The following ZNF717 variants were observed in gnomAD, a reference collection of about 807,000 sequenced individuals.
ZNF717 encodes krueppel-like factor X17.
ZNF717 carries 9 observed loss-of-function variants against 13.8 expected under a neutral mutation model. That is an observed-to-expected ratio of 0.65 (90% CI 0.39 to 1.14). ZNF717 has a LOEUF of 1.14. ZNF717 is among the 50% of genes most tolerant of loss of function. ZNF717 has a pLI of 0.01. For missense variants in ZNF717, 1,040 were observed against 1,080.7 expected, an observed-to-expected ratio of 0.96 and a Z score of 0.53; for synonymous variants, 327 against 364.1, an observed-to-expected ratio of 0.90 and a Z score of 1.16.
intron 2 of ZNF717, among the ~76,000 whole-genome samples, chr3:75,761,454 CT>C (rs201055245): frequency 0.015 from 2,322 of 151,590 alleles, no homozygotes; most frequent in African/African-American, 0.053. Context: ...AACTTTTCCT[CT>C]AGGATCAGGA....
At chr3:75,783,187 A>G (rs964621946) in intron 2 of ZNF717, 119 bp downstream of exon 2, 176 of 773,176 alleles carry the variant, frequency 2.3e-4, no homozygotes, top group Non-Finnish European at 3.5e-4. Flanking sequence ...TATCTTATTT[A>G]TGTATATTTC....
chr3:75,743,506 T>G (rs79918902), intron 2 of ZNF717, among the ~76,000 whole-genome samples: 1 of 137,568 alleles, frequency 7.3e-6, no homozygotes, highest in Non-Finnish European at 1.6e-5. Context: ...CCACTTCACA[T>G]ACAGGTGTAA....
intron 2 of ZNF717, among the ~76,000 whole-genome samples, chr3:75,745,154 TTG>T (rs200606439): frequency 0.088 from 5,245 of 59,928 alleles, 127 homozygotes; most frequent in South Asian, 0.26. Flanking sequence ...CTGTGGTCTG[TTG>T]TTTTTTTTTT....
rs1939489850 is a variant in ZNF717 at position 75,737,505 on chromosome 3, C to G, written c.2118G>C (p.Met706Ile). Reference protein sequence around the residue: ...LTPGKSPMNVMNVENPFIRRQ... With the variant: ...LTPGKSPMNVINVENPFIRRQ... Reference sequence around the variant, plus strand: ...TTCTGATGAAAGGATTTTCCACATTCATTACATTCATAGGGCTTTTCCCCG... The same window carrying G: ...TTCTGATGAAAGGATTTTCCACATTGATTACATTCATAGGGCTTTTCCCCG... The change falls in exon 5 of 5, where the codon ATG (methionine) becomes ATC (isoleucine). Residue 706 changes from methionine to isoleucine, a missense_variant. Coordinates refer to ENST00000652011, the MANE Select transcript of ZNF717 (RefSeq NM_001290208.3). The G allele has an allele frequency of 6.4e-7, 1 of 1,554,384 alleles. No homozygotes were observed. Among genetic ancestry groups the G allele is most frequent in the Non-Finnish European group, 8.7e-7 (1 of 1,148,580 alleles).
intron 6 of ZNF717, among the ~76,000 whole-genome samples, chr3:75,701,716 G>C (rs138350438): frequency 4.5e-4 from 68 of 152,348 alleles, no homozygotes; most frequent in African/African-American, 1.3e-3. Context: ...ACCCAGTCTC[G>C]AGTATTTTTT....
chr3:75,758,169 C>A (rs1942663176), intron 2 of ZNF717, among the ~76,000 whole-genome samples: 1 of 149,650 alleles, frequency 6.7e-6, no homozygotes, highest in South Asian at 2.1e-4. Flanking sequence ...ATTATTCCAA[C>A]CCTCACAGAT....
At chr3:75,764,227 C>T (rs904947594) in intron 2 of ZNF717, among the ~76,000 whole-genome samples, 11 of 152,178 alleles carry the variant, frequency 7.2e-5, no homozygotes, top group Non-Finnish European at 1.3e-4. Flanking sequence ...TGCACACGAG[C>T]TACATGTAGG....
intron 2 of ZNF717, among the ~76,000 whole-genome samples, chr3:75,746,704 C>T (rs1396081224): frequency 6.6e-6 from 1 of 152,064 alleles, no homozygotes. Flanking sequence ...CTGTTCATAT[C>T]CTTCGCCCAC....
intron 2 of ZNF717, among the ~76,000 whole-genome samples, chr3:75,782,052 G>A (rs1485748880): frequency 6.6e-6 from 1 of 152,144 alleles, no homozygotes; most frequent in Non-Finnish European, 1.5e-5. Flanking sequence ...CTCAGTCGCT[G>A]GCTAATAAAG....
At chr3:75,709,458 T>C (rs1937886495), downstream of ZNF717, among the ~76,000 whole-genome samples, 3 of 152,202 alleles carry the variant, frequency 2.0e-5, no homozygotes, top group South Asian at 6.2e-4. Context: ...CAACATGAGA[T>C]TTGGAGAGGG....
intron 2 of ZNF717, among the ~76,000 whole-genome samples, chr3:75,745,555 C>CA (rs1485581001): frequency 9.2e-5 from 14 of 151,994 alleles, no homozygotes; most frequent in Admixed American, 8.5e-4. Context: ...CCTTGCTCTA[C>CA]ATCTCCTGAA....
At chr3:75,741,465 A>G in intron 3 of ZNF717, 97 bp from the exon 4 acceptor site, 2 of 1,370,138 alleles carry the variant, frequency 1.5e-6, no homozygotes, top group Middle Eastern at 1.8e-4. Context: ...GCAATGAAGG[A>G]GCCAATTTGA....
rs62268070 is a variant in ZNF717, at chr3:75,753,121, G to A, written c.58-11385C>T. Among the ~76,000 whole-genome samples, 422 of 98,528 alleles carry A rather than the reference G, an allele frequency of 4.3e-3. 17 individuals carry two copies. The East Asian group carries it at 0.1, about 24-fold the overall frequency. The allele number at this position is 98,528 out of a possible 152,430, so 64.6% of individuals were successfully genotyped here. A position where few individuals can be genotyped will look rare whatever the true frequency, so the allele number is the denominator to read the frequency against. On this transcript the variant is annotated intron_variant, in intron 2 of 4. Coordinates refer to ENST00000652011, the MANE Select transcript of ZNF717 (RefSeq NM_001290208.3). ...GCTGCTAGGGTCTGAATATCTGTCC[G>A]TTACATAGGATTCCAGAATACTGCT...
chr3:75,780,801 T>G (rs1944752954), intron 2 of ZNF717, among the ~76,000 whole-genome samples: 1 of 152,258 alleles, frequency 6.6e-6, no homozygotes, highest in African/African-American at 2.4e-5. Flanking sequence ...ATGGAGTTAC[T>G]CATGCTAAAT....
chr3:75,780,165 C>T (rs566110641), intron 2 of ZNF717, among the ~76,000 whole-genome samples: 2 of 145,116 alleles, frequency 1.4e-5, no homozygotes, highest in Middle Eastern at 4.0e-3. Flanking sequence ...ATGGAGCTGA[C>T]GTGCTAAAAC....
intron 2 of ZNF717, among the ~76,000 whole-genome samples, chr3:75,742,339 AG>A (rs1940584172): frequency 1.5e-5 from 2 of 137,362 alleles, no homozygotes; most frequent in Admixed American, 7.4e-5. Flanking sequence ...AAAAAAAAAA[AG>A]AATAAAATTC....
intron 2 of ZNF717, among the ~76,000 whole-genome samples, chr3:75,762,490 T>C (rs563150785): frequency 2.8e-5 from 4 of 144,518 alleles, no homozygotes; most frequent in Non-Finnish European, 6.1e-5. Flanking sequence ...TTTTAAAAAC[T>C]AGAAATTAGC....
chr3:75,771,503 G>A (rs546034735), intron 2 of ZNF717, among the ~76,000 whole-genome samples: 1 of 152,352 alleles, frequency 6.6e-6, no homozygotes, highest in East Asian at 1.9e-4. Context: ...AGGACTGCTA[G>A]GGCCTCCGGA....
chr3:75,756,715 C>T (rs1414499557), intron 2 of ZNF717, among the ~76,000 whole-genome samples: 1 of 151,856 alleles, frequency 6.6e-6, no homozygotes, highest in African/African-American at 2.4e-5. Context: ...ATTCTTCTTG[C>T]CCAAGCTAGA....
Sources: gnomAD v4.1 joint callset for allele counts (sites outside exome capture counted in the v4.1 genomes callset) on GRCh38, gnomAD v4.1.1 for gene constraint, MANE v1.5 for transcripts, NCBI Gene and HGNC (gene_info 2026-07-23, HGNC 2026-07-21) for gene names.